Variants in QTGAL observed in about 807,000 individuals in gnomAD.
The protein encoded by QTGAL is queuosine-tRNA galactosyltransferase.
At chr17:82,994,534 T>TTCTACTCTTTG in the QTGAL span, among the ~76,000 whole-genome samples, 2 of 151,974 alleles carry the variant, frequency 1.3e-5, no homozygotes, top group Non-Finnish European at 2.9e-5. Flanking sequence ...CAATAACAAG[T>TTCTACTCTTTG]AACAGGGTCA....
At chr17:82,959,605 G>C in the QTGAL span, among the ~76,000 whole-genome samples, 1 of 151,964 alleles carries the variant, frequency 6.6e-6, no homozygotes, top group Non-Finnish European at 1.5e-5. Flanking sequence ...TCGGGGCGGG[G>C]GGACGAGCCT....
chr17:82,998,218 C>A, the QTGAL span, among the ~76,000 whole-genome samples: 1 of 152,014 alleles, frequency 6.6e-6, no homozygotes, highest in Non-Finnish European at 1.5e-5. Flanking sequence ...ATGCAAATAT[C>A]TCACATAATC....
the QTGAL span, among the ~76,000 whole-genome samples, chr17:82,955,143 G>A: frequency 9.2e-5 from 14 of 152,210 alleles, no homozygotes; most frequent in Admixed American, 3.9e-4. Context: ...TTAAACTAAG[G>A]AGCTTCTGCT....
the QTGAL span, among the ~76,000 whole-genome samples, chr17:83,018,644 C>T: frequency 6.6e-6 from 1 of 152,330 alleles, no homozygotes; most frequent in Non-Finnish European, 1.5e-5. Context: ...CCATGGTTTT[C>T]CACAGGACAT....
chr17:82,972,621 A>ACGGGCCAGAAGGACC, the QTGAL span, among the ~76,000 whole-genome samples: 1 of 123,402 alleles, frequency 8.1e-6, no homozygotes, highest in African/African-American at 3.7e-5. Flanking sequence ...ACACCACACC[A>ACGGGCCAGAAGGACC]TGGGCCAGAA....
the QTGAL span, among the ~76,000 whole-genome samples, chr17:83,014,863 CCAT>C: frequency 6.6e-6 from 1 of 152,264 alleles, no homozygotes; most frequent in South Asian, 2.1e-4. Flanking sequence ...ACCTCGTCAG[CCAT>C]CAGAGAAATG....
At chr17:83,030,102 C>T in the QTGAL span, among the ~76,000 whole-genome samples, 161 of 152,098 alleles carry the variant, frequency 1.1e-3, no homozygotes, top group Admixed American at 4.3e-3. Flanking sequence ...AACCAAGGGT[C>T]GTGATTAATT....
At chr17:82,957,125 C>G in the QTGAL span, 1 of 1,606,726 alleles carries the variant, frequency 6.2e-7, no homozygotes, top group South Asian at 1.1e-5. Flanking sequence ...GCAGCTGTCC[C>G]TCAGCCCCGG....
chr17:82,979,001 C>T, the QTGAL span, among the ~76,000 whole-genome samples: 1 of 152,156 alleles, frequency 6.6e-6, no homozygotes, highest in Non-Finnish European at 1.5e-5. Flanking sequence ...AAGTTGCTGG[C>T]TCTACATGCT....
chr17:82,982,965 ACT>A, the QTGAL span, among the ~76,000 whole-genome samples: 14 of 151,582 alleles, frequency 9.2e-5, no homozygotes, highest in Non-Finnish European at 1.9e-4. Flanking sequence ...GTACATAGGA[ACT>A]CTCTGTGCTA....
the QTGAL span, among the ~76,000 whole-genome samples, chr17:82,960,125 C>T: frequency 3.9e-5 from 6 of 152,294 alleles, no homozygotes; most frequent in South Asian, 2.1e-4. Context: ...GAGAGGAGCG[C>T]GGACGCGGGA....
the QTGAL span, chr17:82,943,707 G>A: frequency 6.6e-6 from 1 of 152,254 alleles, no homozygotes; most frequent in African/African-American, 2.4e-5. Context: ...TGGCCACACA[G>A]GAGTGTGGGG....
the QTGAL span, among the ~76,000 whole-genome samples, chr17:83,024,213 A>G: frequency 6.6e-6 from 1 of 152,178 alleles, no homozygotes; most frequent in Non-Finnish European, 1.5e-5. Context: ...TCTGCAGAAG[A>G]GCCCCCAGCG....
chr17:82,963,975 G>T, the QTGAL span, among the ~76,000 whole-genome samples: 2 of 150,854 alleles, frequency 1.3e-5, no homozygotes, highest in African/African-American at 4.9e-5. Context: ...AGACAAAATT[G>T]GTTGGGTGTG....
chr17:83,034,003 C>T, the QTGAL span, among the ~76,000 whole-genome samples: 9 of 151,582 alleles, frequency 5.9e-5, no homozygotes, highest in South Asian at 1.9e-3. Flanking sequence ...TGCAATGGCG[C>T]AATCTTGGCT....
chr17:82,965,568 G>C, the QTGAL span: 2 of 1,342,748 alleles, frequency 1.5e-6, no homozygotes, highest in East Asian at 2.6e-5. Context: ...GCAAGGCGGA[G>C]GGTGGCCAGT....
chr17:82,958,693 A>G, the QTGAL span, among the ~76,000 whole-genome samples: 1 of 151,450 alleles, frequency 6.6e-6, no homozygotes, highest in Non-Finnish European at 1.5e-5. Flanking sequence ...CCTGGAGTCT[A>G]CCTTTTCCTC....
At chr17:83,040,602 T>G in the QTGAL span, among the ~76,000 whole-genome samples, 3 of 152,340 alleles carry the variant, frequency 2.0e-5, no homozygotes, top group Middle Eastern at 3.4e-3. Flanking sequence ...AGAGTCAGAC[T>G]GGTGTAAGAT....
At chr17:82,950,057 G>C in the QTGAL span, 1 of 150,218 alleles carries the variant, frequency 6.7e-6, no homozygotes, top group African/African-American at 2.5e-5. Context: ...GGGGGCTCCA[G>C]CGGCTTCACA....
Sources: allele counts gnomAD v4.1 joint callset (sites outside exome capture counted in the v4.1 genomes callset), GRCh38; gene constraint gnomAD v4.1.1; transcripts MANE v1.5; gene names NCBI Gene and HGNC (gene_info 2026-07-23, HGNC 2026-07-21).